GRID2: variants seen among roughly 807,000 people sequenced by gnomAD.
GRID2 encodes glutamate receptor ionotropic, delta-2.
A neutral mutation model predicts 114.8 loss-of-function variants in GRID2; 33 were observed. The ratio of observed to expected loss-of-function variants is 0.29; its 90% CI spans 0.22 to 0.38. The LOEUF (loss-of-function observed/expected upper bound fraction) is 0.38, where lower values mean the gene tolerates loss of function less well. Among genes scored for constraint, GRID2 ranks in the 10% least tolerant of loss-of-function variants. GRID2 has a pLI of 1.00. For synonymous variants in GRID2, 505 were observed against 449.9 expected (o/e 1.12, Z -1.55); for missense variants, 1,184 against 1,257.7 (o/e 0.94, Z 0.89).
At chr4:93,728,906 A>G (rs996159117) in intron 14 of GRID2, among the ~76,000 whole-genome samples, 1 of 152,184 alleles carries the variant, frequency 6.6e-6, no homozygotes, top group African/African-American at 2.4e-5. Context: ...GGTTTGCTGA[A>G]TACAACACAC....
At chr4:92,534,859 T>C (rs1299761965) in intron 1 of GRID2, among the ~76,000 whole-genome samples, 1 of 152,184 alleles carries the variant, frequency 6.6e-6, no homozygotes, top group African/African-American at 2.4e-5. Context: ...AGTAGCCTAC[T>C]TGAGCTTGGA....
At chr4:93,690,378 T>A (rs1348834231) in intron 14 of GRID2, among the ~76,000 whole-genome samples, 4 of 152,036 alleles carry the variant, frequency 2.6e-5, no homozygotes, top group African/African-American at 9.7e-5. Context: ...TTAAGGAGCA[T>A]TCATTATTTT....
At chr4:93,226,129 C>A (rs1745453013) in intron 7 of GRID2, among the ~76,000 whole-genome samples, 1 of 152,106 alleles carries the variant, frequency 6.6e-6, no homozygotes, top group African/African-American at 2.4e-5. Flanking sequence ...GTATTCCATC[C>A]TTTGACCCCC....
intron 2 of GRID2, among the ~76,000 whole-genome samples, chr4:92,969,976 AT>A (rs1406077625): frequency 1.3e-5 from 2 of 151,926 alleles, no homozygotes; most frequent in Admixed American, 6.6e-5. Flanking sequence ...AGATTTTTTA[AT>A]TTTGACTTTG....
intron 8 of GRID2, among the ~76,000 whole-genome samples, chr4:93,304,241 T>G (rs1401251876): frequency 7.8e-6 from 1 of 128,508 alleles, no homozygotes; most frequent in Non-Finnish European, 1.6e-5. Flanking sequence ...GACAATACTT[T>G]GGAAATAATA....
chr4:92,629,302 T>A (rs62307953), intron 2 of GRID2, among the ~76,000 whole-genome samples: 8,448 of 152,156 alleles, frequency 0.056, 297 homozygotes, highest in East Asian at 0.16. Flanking sequence ...ATAAGGTCTA[T>A]TATTTTGGAA....
chr4:93,792,439 C>T (rs886238347), intron 1 of GRID2, among the ~76,000 whole-genome samples: 3 of 152,076 alleles, frequency 2.0e-5, no homozygotes, highest in African/African-American at 7.2e-5. Context: ...GACCTACACC[C>T]GCAAAATGAA....
intron 2 of GRID2, among the ~76,000 whole-genome samples, chr4:92,824,813 A>G (rs1040995843): frequency 1.3e-5 from 2 of 152,120 alleles, no homozygotes; most frequent in African/African-American, 4.8e-5. Flanking sequence ...ACCTTTAGAT[A>G]TTGTTTTTTA....
At chr4:93,469,293 C>A (rs1724575843) in intron 11 of GRID2, among the ~76,000 whole-genome samples, 1 of 151,928 alleles carries the variant, frequency 6.6e-6, no homozygotes, top group Non-Finnish European at 1.5e-5. Context: ...TACCAGTTTA[C>A]TTGAAATGTA....
intron 4 of GRID2, among the ~76,000 whole-genome samples, chr4:93,131,935 T>C (rs2149376320): frequency 6.6e-6 from 1 of 152,340 alleles, no homozygotes; most frequent in South Asian, 2.1e-4. Context: ...GAATAGTGTC[T>C]CTCAGTATTG....
chr4:93,172,493 G>C (rs1401591748), intron 4 of GRID2, among the ~76,000 whole-genome samples: 1 of 151,958 alleles, frequency 6.6e-6, no homozygotes, highest in Non-Finnish European at 1.5e-5. Flanking sequence ...TTGGAAGGCT[G>C]AGGCAGGAGA....
At chr4:92,693,164 T>G (rs1284410796) in intron 2 of GRID2, among the ~76,000 whole-genome samples, 1 of 152,076 alleles carries the variant, frequency 6.6e-6, no homozygotes, top group African/African-American at 2.4e-5. Context: ...TATATAATTT[T>G]TAATAGACTT....
intron 2 of GRID2, among the ~76,000 whole-genome samples, chr4:92,801,794 A>G (rs1003841712): frequency 6.6e-6 from 1 of 151,902 alleles, no homozygotes; most frequent in Admixed American, 6.6e-5. Flanking sequence ...TTATTAACTC[A>G]TAATACTCAT....
At chr4:92,946,103 A>T (rs553276191) in intron 2 of GRID2, among the ~76,000 whole-genome samples, 33 of 152,248 alleles carry the variant, frequency 2.2e-4, no homozygotes, top group Non-Finnish European at 3.8e-4. Context: ...TTAAAAAATT[A>T]TATTTTCTAG....
chr4:93,495,717 C>T (rs889349472), intron 12 of GRID2, among the ~76,000 whole-genome samples: 7 of 151,534 alleles, frequency 4.6e-5, no homozygotes, highest in African/African-American at 1.5e-4. Context: ...CTACTTGATA[C>T]GAATATGTCT....
intron 13 of GRID2, among the ~76,000 whole-genome samples, chr4:93,523,435 G>T (rs1201731036): frequency 6.6e-6 from 1 of 152,038 alleles, no homozygotes; most frequent in Admixed American, 6.6e-5. Context: ...CACACATCCT[G>T]CTGATAATAA....
At chr4:93,439,384 A>T (rs1263132505) in intron 10 of GRID2, among the ~76,000 whole-genome samples, 1 of 152,066 alleles carries the variant, frequency 6.6e-6, no homozygotes, top group African/African-American at 2.4e-5. Flanking sequence ...CACAACAAAA[A>T]TAGGGGATGC....
chr4:92,896,765 C>T (rs185486619), intron 2 of GRID2, among the ~76,000 whole-genome samples: 12 of 152,024 alleles, frequency 7.9e-5, no homozygotes, highest in Admixed American at 3.3e-4. Context: ...GTGTGTGAGA[C>T]GGAGTCTCGC....
intron 13 of GRID2, among the ~76,000 whole-genome samples, chr4:93,560,876 A>G (rs941614528): frequency 7.2e-5 from 11 of 151,772 alleles, no homozygotes; most frequent in Non-Finnish European, 1.5e-4. Context: ...TTTTAATTTC[A>G]ATGCTTTTGT....
Sources: gnomAD v4.1 joint callset for allele counts (sites outside exome capture counted in the v4.1 genomes callset) on GRCh38, gnomAD v4.1.1 for gene constraint, MANE v1.5 for transcripts, NCBI Gene and HGNC (gene_info 2026-07-23, HGNC 2026-07-21) for gene names.